The following ELL2 variants were observed in gnomAD, a reference collection of about 807,000 sequenced individuals.
The protein encoded by ELL2 is RNA polymerase II elongation factor ELL2.
In ELL2, 21 loss-of-function variants were observed where a neutral mutation model predicts 72.8. The observed-to-expected ratio is 0.29, with a 90% CI of 0.20 to 0.42. ELL2 has a LOEUF of 0.42. Among genes scored for constraint, ELL2 ranks in the 10% least tolerant of loss-of-function variants. The pLI is 1.00. For synonymous variants in ELL2, 266 were observed against 283.2 expected, an observed-to-expected ratio of 0.94 and a Z score of 0.61; for missense variants, 568 against 772.8, an observed-to-expected ratio of 0.73 and a Z score of 3.14.
At chr5:95,945,340 G>C (rs1751118580) in intron 1 of ELL2, among the ~76,000 whole-genome samples, 1 of 152,114 alleles carries the variant, frequency 6.6e-6, no homozygotes, top group African/African-American at 2.4e-5. Flanking sequence ...TATTCTATTA[G>C]TCGTTTACAT....
rs572461947 is a variant in ELL2, at chr5:95,906,764, C to T, written c.500G>A (p.Arg167Gln). The change falls in exon 5 of 12, where the codon CGG becomes CAG. Residue 167 changes from arginine (R) to glutamine (Q), a missense_variant. Around this residue, in one of 2 missense-constraint regions of ELL2, gnomAD observed 511 missense variants for 728.4 expected, o/e 0.70. Coordinates refer to ENST00000237853, the MANE Select transcript of ELL2 (RefSeq NM_012081.6). ...GPYVGKRVQI[R>Q]KAPQAVSDTV... The stretch of plus-strand genomic sequence containing the variant: ...ATCTGAAACAGCTTGAGGTGCTTTC[C>T]GAATTTGCACTCTTTTCCCTAAAGT... The T allele has an allele frequency of 3.1e-6, 5 of 1,610,816 alleles. No individual in the cohort carries two copies. The highest frequency in any genetic ancestry group is 1.7e-5 in the Admixed American group (1 of 59,654).
At chr5:95,916,367 G>A (rs1749799177) in intron 3 of ELL2, among the ~76,000 whole-genome samples, 1 of 152,068 alleles carries the variant, frequency 6.6e-6, no homozygotes, top group South Asian at 2.1e-4. Flanking sequence ...TCTCAGGAGG[G>A]AACCAACTGT....
rs35628427 is a variant in ELL2 at position 95,903,208 on chromosome 5, CT to C, written c.742-2129del. Among the ~76,000 whole-genome samples, 418 of 56,204 alleles carry C rather than the reference CT, an allele frequency of 7.4e-3. 5 individuals are homozygous for C. Among genetic ancestry groups the C allele is most frequent in the Middle Eastern group, 0.033 (2 of 60 alleles). 36.9% of individuals were successfully genotyped at this position (56,204 alleles called of 152,430 possible). A position where few individuals can be genotyped will look rare whatever the true frequency, so the allele number is the denominator to read the frequency against. On this transcript the variant is annotated intron_variant, in intron 5 of 11. Transcript: ENST00000237853. ...TCCTGGTTTCCGCCTCTCTTAGGAC[CT>C]TTTTTTTTTTTTTTTTTTTTTTTTT...
At chr5:95,915,640 G>C (rs1032732023) in intron 3 of ELL2, among the ~76,000 whole-genome samples, 1 of 152,158 alleles carries the variant, frequency 6.6e-6, no homozygotes, top group Non-Finnish European at 1.5e-5. Flanking sequence ...AAATTCCAGG[G>C]AGCAGAGGAC....
intron 4 of ELL2, chr5:95,913,520 T>C (rs1749679014): frequency 9.0e-6 from 3 of 334,338 alleles, no homozygotes; most frequent in Admixed American, 4.9e-5. Flanking sequence ...CAGATCCCAG[T>C]ACTATAAAAT....
chr5:95,892,149 C>CTT (rs58579572), intron 9 of ELL2, among the ~76,000 whole-genome samples: 21 of 144,174 alleles, frequency 1.5e-4, no homozygotes, highest in African/African-American at 2.8e-4. Context: ...TACAGTATTA[C>CTT]TTTTTTTTTT....
chr5:95,915,882 A>AG (rs1333948462), intron 3 of ELL2, among the ~76,000 whole-genome samples: 2 of 152,078 alleles, frequency 1.3e-5, no homozygotes, highest in Non-Finnish European at 2.9e-5. Context: ...AAGGGCTCTG[A>AG]GGGTCATGTG....
chr5:95,900,822 A>T lies in ELL2; in HGVS notation c.867-42T>A, dbSNP rs751643964. On this transcript the variant is annotated intron_variant, in intron 6 of 11. Transcript: ENST00000237853. ...TGTTATGTGTTAAGGAGATGATTTA[A>T]AAATGTTCATGATAGAAAGCTTGCC... 5 of 1,573,444 alleles carry T rather than the reference A, an allele frequency of 3.2e-6. No individual in the cohort carries two copies. In the East Asian group the frequency reaches 1.1e-4, roughly 35 times the overall value.
intron 1 of ELL2, among the ~76,000 whole-genome samples, chr5:95,947,678 A>G: frequency 6.6e-6 from 1 of 152,136 alleles, no homozygotes; most frequent in Non-Finnish European, 1.5e-5. Context: ...TGAATTCCAA[A>G]TACAGTACTC....
intron 4 of ELL2, among the ~76,000 whole-genome samples, chr5:95,912,489 G>A (rs990591066): frequency 3.3e-5 from 5 of 152,214 alleles, no homozygotes; most frequent in Non-Finnish European, 5.9e-5. Context: ...AAATGTAAGT[G>A]TGGTAGATCT....
At chr5:95,958,088 G>A (rs1006261283) in intron 1 of ELL2, among the ~76,000 whole-genome samples, 2 of 152,198 alleles carry the variant, frequency 1.3e-5, no homozygotes, top group Non-Finnish European at 2.9e-5. Flanking sequence ...ATAGGCCAGA[G>A]CTGCTTAGAG....
chr5:95,898,118 A>G, intron 8 of ELL2, 122 bp downstream of exon 8: 1 of 851,390 alleles, frequency 1.2e-6, no homozygotes, highest in Non-Finnish European at 1.7e-6. Context: ...ACTGCTCAAA[A>G]GCACAACACT....
intron 1 of ELL2, among the ~76,000 whole-genome samples, chr5:95,959,417 C>T (rs1447847007): frequency 6.6e-6 from 1 of 152,160 alleles, no homozygotes; most frequent in Non-Finnish European, 1.5e-5. Context: ...CCAGACCTAC[C>T]TTCTTCCCAC....
At chr5:95,907,296 A>ATATATATATATTTTTTTTTTTTTTTT in intron 4 of ELL2, among the ~76,000 whole-genome samples, 1 of 116,520 alleles carries the variant, frequency 8.6e-6, no homozygotes, top group African/African-American at 4.1e-5. Context: ...ATATATATAT[A>ATATATATATATTTTTTTTTTTTTTTT]TTTTTTTTTT....
At chr5:95,959,280 G>C (rs1270900469) in intron 1 of ELL2, among the ~76,000 whole-genome samples, 1 of 152,172 alleles carries the variant, frequency 6.6e-6, no homozygotes, top group African/African-American at 2.4e-5. Flanking sequence ...ACTGCCCCCA[G>C]AGATGCCTCT....
intron 1 of ELL2, among the ~76,000 whole-genome samples, chr5:95,947,884 T>C (rs76729367): frequency 6.7e-6 from 1 of 149,530 alleles, no homozygotes; most frequent in East Asian, 2.0e-4. Flanking sequence ...AGTTTTTTTT[T>C]CCTTTAAGGA....
chr5:95,934,500 A>G (rs1750705500), intron 2 of ELL2, among the ~76,000 whole-genome samples: 2 of 152,184 alleles, frequency 1.3e-5, no homozygotes. Context: ...CACTGCTCCA[A>G]AACATCAAGT....
At position 95,921,927 on chromosome 5, in the gene ELL2, T is replaced by A. The variant is rs1260883496; in HGVS notation, c.196-2382A>T. ...GTTTTAAAGAGGTCTCATCTCCATA[T>A]GATATTTCATCTTCCTATGAGGCTC... On this transcript the variant is annotated intron_variant, in intron 2 of 11. Transcript: ENST00000237853. 4.6e-5 allele frequency among the ~76,000 whole-genome samples: 7 copies of A among 152,370 alleles called. No individual in the cohort carries two copies. In the East Asian group the frequency reaches 1.2e-3, roughly 25 times the overall value.
chr5:95,898,941 G>C, intron 7 of ELL2, 131 bp from the exon 8 acceptor site: 1 of 622,938 alleles, frequency 1.6e-6, no homozygotes, highest in Non-Finnish European at 2.5e-6. Context: ...AATATTACAC[G>C]CTTTCTTCAT....
Sources: allele counts gnomAD v4.1 joint callset (sites outside exome capture counted in the v4.1 genomes callset), GRCh38; gene constraint gnomAD v4.1.1; regional missense constraint gnomAD v4.1.1; transcripts MANE v1.5; gene names NCBI Gene and HGNC (gene_info 2026-07-23, HGNC 2026-07-21).